AAMDC: variants seen among roughly 807,000 people sequenced by gnomAD.
The protein encoded by AAMDC is mth938 domain-containing protein.
Under a neutral mutation model 15.5 loss-of-function variants are expected in AAMDC, and 16 were observed. The ratio of observed to expected loss-of-function variants is 1.03; its 90% CI spans 0.70 to 1.57. AAMDC has a LOEUF of 1.57. Ranked by LOEUF, AAMDC falls within the 40% of genes most tolerant of loss-of-function variation. The pLI, the probability that AAMDC is intolerant of heterozygous loss-of-function variation, is 0.00. For synonymous variants in AAMDC, 51 were observed against 51.6 expected, an observed-to-expected ratio of 0.99 and a Z score of 0.05; for missense variants, 141 against 144.9, an observed-to-expected ratio of 0.97 and a Z score of 0.14.
At chr11:77,884,632 G>T (rs1951921604) in intron 5 of AAMDC, 2 of 218,306 alleles carry the variant, frequency 9.2e-6, no homozygotes, top group Admixed American at 4.7e-5. Context: ...GAACCACACA[G>T]GTCTTCCAAT....
chr11:77,886,227 C>T (rs1199707759), intron 5 of AAMDC, among the ~76,000 whole-genome samples: 1 of 151,912 alleles, frequency 6.6e-6, no homozygotes, highest in Non-Finnish European at 1.5e-5. Context: ...AAAAAATTCC[C>T]AGCATTCTCA....
intron 5 of AAMDC, chr11:77,885,036 T>G (rs1951944020): frequency 6.1e-6 from 1 of 162,864 alleles, no homozygotes; most frequent in African/African-American, 2.4e-5. Flanking sequence ...TTGGAATTAC[T>G]GGCATGAGCA....
intron 1 of AAMDC, among the ~76,000 whole-genome samples, chr11:77,837,221 C>T (rs533040895): frequency 1.3e-5 from 2 of 151,674 alleles, no homozygotes; most frequent in South Asian, 4.2e-4. Context: ...CTGCAACCTC[C>T]ACCTCCCAGG....
chr11:77,870,256 A>C (rs1192946786), intron 3 of AAMDC, among the ~76,000 whole-genome samples: 5 of 150,938 alleles, frequency 3.3e-5, no homozygotes, highest in African/African-American at 1.2e-4. Flanking sequence ...CCTGAGCTCA[A>C]ATGATCTCCC....
intron 5 of AAMDC, among the ~76,000 whole-genome samples, chr11:77,899,799 A>G (rs1473261814): frequency 6.6e-6 from 1 of 152,182 alleles, no homozygotes; most frequent in East Asian, 1.9e-4. Context: ...AGGAGGCAGA[A>G]CAGCAAAGTA....
chr11:77,863,342 C>T (rs1003105431), intron 2 of AAMDC, among the ~76,000 whole-genome samples: 5 of 152,092 alleles, frequency 3.3e-5, no homozygotes, highest in African/African-American at 7.2e-5. Context: ...TCTGTGATGG[C>T]GGCAAAGAGC....
At chr11:77,840,710 C>T (rs1341636934) in intron 1 of AAMDC, among the ~76,000 whole-genome samples, 2 of 152,140 alleles carry the variant, frequency 1.3e-5, no homozygotes, top group African/African-American at 4.8e-5. Flanking sequence ...CACTCAGCCC[C>T]AGGTAACAGT....
chr11:77,877,230 A>G (rs1245443745), downstream of AAMDC, among the ~76,000 whole-genome samples: 1 of 148,092 alleles, frequency 6.8e-6, no homozygotes, highest in Non-Finnish European at 1.5e-5. Context: ...CTTGTTTATA[A>G]AATGAAGATA....
At chr11:77,868,813 A>C (rs1951256553) in intron 2 of AAMDC, 1 of 218,886 alleles carries the variant, frequency 4.6e-6, no homozygotes, top group Non-Finnish European at 1.0e-5. Flanking sequence ...CTGGCGCTTA[A>C]TTTGAACCCG....
intron 2 of AAMDC, chr11:77,850,953 C>CTTTTTTTTT: frequency 8.4e-6 from 1 of 119,564 alleles, no homozygotes; most frequent in Non-Finnish European, 1.7e-5. Context: ...ACAATAATAT[C>CTTTTTTTTT]TTTTTTTTTT....
downstream of AAMDC, among the ~76,000 whole-genome samples, chr11:77,905,370 T>C (rs1026479564): frequency 6.6e-6 from 1 of 151,922 alleles, no homozygotes; most frequent in Non-Finnish European, 1.5e-5. Flanking sequence ...GACAGGAGAA[T>C]TGCTTGAACC....
At chr11:77,897,794 C>T (rs973084162) in intron 5 of AAMDC, among the ~76,000 whole-genome samples, 5 of 151,726 alleles carry the variant, frequency 3.3e-5, no homozygotes, top group Non-Finnish European at 7.4e-5. Flanking sequence ...CGTTAGCCAC[C>T]GCACCCAGCC....
At chr11:77,836,000 GA>G (rs2136102337) in intron 1 of AAMDC, among the ~76,000 whole-genome samples, 1 of 152,256 alleles carries the variant, frequency 6.6e-6, no homozygotes, top group East Asian at 1.9e-4. Flanking sequence ...GACAGACTTG[GA>G]TTCAAATTCT....
intron 5 of AAMDC, among the ~76,000 whole-genome samples, chr11:77,877,741 C>A (rs1410068703): frequency 6.7e-6 from 1 of 149,656 alleles, no homozygotes; most frequent in African/African-American, 2.5e-5. Context: ...TGTTATATCA[C>A]ACTTGCAATT....
chr11:77,896,842 T>C (rs1952546119), intron 5 of AAMDC, among the ~76,000 whole-genome samples: 1 of 148,476 alleles, frequency 6.7e-6, no homozygotes, highest in South Asian at 2.1e-4. Context: ...AAACAGCTGA[T>C]ACTTCAAACT....
chr11:77,840,301 G>A (rs1590936911), intron 1 of AAMDC, among the ~76,000 whole-genome samples: 2 of 152,288 alleles, frequency 1.3e-5, no homozygotes, highest in Middle Eastern at 6.8e-3. Flanking sequence ...GGCCAAGGCA[G>A]GTGGATCACC....
chr11:77,891,139 C>G (rs910276193), intron 5 of AAMDC, among the ~76,000 whole-genome samples: 5 of 152,154 alleles, frequency 3.3e-5, no homozygotes, highest in African/African-American at 1.2e-4. Flanking sequence ...TTTAAAGTAA[C>G]TTGCTCCAAA....
chr11:77,876,004 T>C (rs1951583715), downstream of AAMDC, among the ~76,000 whole-genome samples: 1 of 152,092 alleles, frequency 6.6e-6, no homozygotes, highest in African/African-American at 2.4e-5. Flanking sequence ...AGTGATCCAC[T>C]GAAAGGGACT....
In AAMDC at chr11:77,842,602, TG is replaced by T. The variant is rs761467428; in HGVS notation, c.109del (p.Asp37IlefsTer18). 1.3e-4 allele frequency: 211 copies of T among 1,613,968 alleles called. 2 individuals are homozygous for T. The South Asian group carries it at 1.8e-3, about 14-fold the overall frequency. On this transcript the variant is annotated frameshift_variant, in exon 2 of 4. Coordinates refer to ENST00000393427, the MANE Select transcript of AAMDC (RefSeq NM_024684.4). LOFTEE classifies it high-confidence loss of function. ...CKVWPGGSRT[W>X]DWRETGTEHS... ...AGTATGGCCAGGGGGTAGTCGGACT[TG>T]GGATTGGAGAGAAACAGGAACTGAG...
Sources: gnomAD v4.1 joint callset for allele counts (sites outside exome capture counted in the v4.1 genomes callset) on GRCh38, gnomAD v4.1.1 for gene constraint, MANE v1.5 for transcripts, NCBI Gene and HGNC (gene_info 2026-07-23, HGNC 2026-07-21) for gene names.